ZNF761: variants seen among roughly 807,000 people sequenced by gnomAD.
ZNF761 encodes zinc finger protein 761.
In ZNF761, 43 loss-of-function variants were observed where a neutral mutation model predicts 59.9. That is an observed-to-expected ratio of 0.72 (90% CI 0.56 to 0.92). The LOEUF (loss-of-function observed/expected upper bound fraction) is 0.92. Among genes scored for constraint, ZNF761 ranks in the 40% least tolerant of loss-of-function variants. The probability of loss-of-function intolerance (pLI) is 0.00; values close to 1 mark genes in which losing one functional copy is unlikely to be tolerated. For synonymous variants in ZNF761, 294 were observed against 304.8 expected (o/e 0.96, Z 0.37); for missense variants, 850 against 906.1 (o/e 0.94, Z 0.79).
intron 1 of ZNF761, among the ~76,000 whole-genome samples, chr19:53,436,399 C>A: frequency 6.6e-6 from 1 of 152,184 alleles, no homozygotes; most frequent in East Asian, 1.9e-4. Flanking sequence ...GTTAATTCCT[C>A]TAGTTCTTGG....
At position 53,449,548 on chromosome 19, in the gene ZNF761, T is replaced by C; in HGVS notation, c.52T>C (p.Ser18Pro). ...LTFRDVAIEF[S>P]QEEWKCLDPA... ...ATTCAGGGATGTGGCCATAGAATTC[T>C]CTCAGGAGGAGTGGAAATGCCTGGA... The change falls in exon 4 of 5, where the codon TCT becomes CCT. Residue 18 changes from serine to proline, a missense_variant. Ser to Pro is a moderately conservative substitution (Grantham distance 74, BLOSUM62 -1). Transcript: ENST00000684525. 3.7e-6 allele frequency: 6 copies of C among 1,613,672 alleles called. No homozygotes were observed. Among genetic ancestry groups the C allele is most frequent in the Non-Finnish European group, 5.1e-6 (6 of 1,179,904 alleles).
chr19:53,436,898 A>G (rs111379805), intron 1 of ZNF761, among the ~76,000 whole-genome samples: 1,568 of 152,334 alleles, frequency 0.01, 26 homozygotes, highest in African/African-American at 0.035. Flanking sequence ...AGTTTTCACA[A>G]GGCACGGCTC....
Position 53,456,916 on chromosome 19 carries a change from G to T in ZNF761, c.*168G>T. 1 of 846,562 alleles carries T rather than the reference G, an allele frequency of 1.2e-6. No homozygotes were observed. The highest frequency in any genetic ancestry group is 1.7e-5 in the South Asian group (1 of 59,954). The allele number at this position is 846,562 out of a possible 1,614,324, so 52.4% of individuals were successfully genotyped here. A position where few individuals can be genotyped will look rare whatever the true frequency, so the allele number is the denominator to read the frequency against. ...TGGAGAGAAAGCTTATAAATGTGAAGAATGTCACAAAGTTTACAGTCGCAC... is the reference window on the plus strand; with the variant it reads ...TGGAGAGAAAGCTTATAAATGTGAATAATGTCACAAAGTTTACAGTCGCAC... On this transcript the variant is annotated 3_prime_UTR_variant, in exon 5 of 5. Transcript: ENST00000684525.
chr19:53,453,663 G>T (rs2086239976), intron 4 of ZNF761, among the ~76,000 whole-genome samples: 1 of 152,116 alleles, frequency 6.6e-6, no homozygotes, highest in Non-Finnish European at 1.5e-5. Flanking sequence ...ATCACTTGAG[G>T]TCAAAAGTAC....
chr19:53,456,327 A>G lies in ZNF761; in HGVS notation c.1820A>G (p.Lys607Arg). ...ATTCATACTGAAGAGAATCCTTACA[A>G]GTGTAATGAGTGTGGCAAGACCTTC... ...QKIHTEENPY[K>R]CNECGKTFSR... The change falls in exon 5 of 5, where the codon AAG (lysine) becomes AGG (arginine). Residue 607 changes from lysine to arginine, a missense_variant. By Grantham distance (26) the Lys-to-Arg change is conservative. Transcript: ENST00000684525. 30 of 1,611,228 alleles carry G rather than the reference A, an allele frequency of 1.9e-5. No homozygotes were observed. The highest frequency in any genetic ancestry group is 2.5e-5 in the Non-Finnish European group (29 of 1,177,896).
rs141068950 is a variant in ZNF761, at chr19:53,449,058, G to A, written c.16-454G>A. On this transcript the variant is annotated intron_variant, in intron 3 of 4. Coordinates refer to ENST00000684525, the MANE Select transcript of ZNF761 (RefSeq NM_001289951.2). ...GTCAATAAAAGTTTCTGGGCCGGGC[G>A]CGGTGGATCACGCATGTAATTCCAG... 9.5e-3 allele frequency among the ~76,000 whole-genome samples: 1,445 copies of A among 152,174 alleles called. 23 individuals are homozygous for A. Among genetic ancestry groups the A allele is most frequent in the African/African-American group, 0.033 (1,351 of 41,506 alleles).
rs761329848 is a variant in ZNF761, at chr19:53,454,784, G to C, written c.277G>C (p.Asp93His). ...GDFCYQDVDKDIHDYEFQWQE... is the reference protein window; with the variant it reads ...GDFCYQDVDKHIHDYEFQWQE... ...TTTTTGCTACCAGGATGTTGATAAA[G>C]ATATTCATGACTATGAATTTCAATG... The change falls in exon 5 of 5, where the codon GAT becomes CAT. Residue 93 changes from aspartate (D) to histidine (H), a missense_variant. By Grantham distance (81) the Asp-to-His change is moderately conservative. Coordinates refer to ENST00000684525, the MANE Select transcript of ZNF761 (RefSeq NM_001289951.2). 2 of 1,614,084 alleles carry C rather than the reference G, an allele frequency of 1.2e-6. No individual in the cohort carries two copies. Among genetic ancestry groups the C allele is most frequent in the East Asian group, 4.5e-5 (2 of 44,868 alleles).
In ZNF761 at chr19:53,436,892, T is replaced by G. The variant is rs80051718; in HGVS notation, c.-185+4864T>G. 2.0e-3 allele frequency among the ~76,000 whole-genome samples: 304 copies of G among 152,306 alleles called. 1 individual carries two copies. The highest frequency in any genetic ancestry group is 3.4e-3 in the Middle Eastern group (1 of 294). On this transcript the variant is annotated intron_variant, in intron 1 of 4. Transcript: ENST00000684525. ...GTTCGCTAAAGTTTATAAGCAAGTTTTCACAAGGCACGGCTCCTACTTCTT... is the reference window on the plus strand; with the variant it reads ...GTTCGCTAAAGTTTATAAGCAAGTTGTCACAAGGCACGGCTCCTACTTCTT...
chr19:53,444,404 A>G (rs2086132538), intron 1 of ZNF761: 1 of 152,170 alleles, frequency 6.6e-6, no homozygotes, highest in African/African-American at 2.4e-5. Flanking sequence ...CTGCACTGAG[A>G]TGTTTGTGTA....
intron 1 of ZNF761, among the ~76,000 whole-genome samples, chr19:53,439,985 A>C (rs1342884594): frequency 6.6e-6 from 1 of 152,110 alleles, no homozygotes; most frequent in East Asian, 1.9e-4. Context: ...AACTGAAATA[A>C]TGATTTTTGT....
intron 4 of ZNF761, among the ~76,000 whole-genome samples, chr19:53,452,947 A>G (rs924068743): frequency 1.3e-5 from 2 of 152,170 alleles, no homozygotes; most frequent in African/African-American, 4.8e-5. Flanking sequence ...TTATTGTGCA[A>G]TTTGATTTAT....
In ZNF761 at chr19:53,453,771, G is replaced by A. The variant is rs373064236; in HGVS notation, c.143-879G>A. Reference sequence around the variant, plus strand: ...TGTGCCTGTAATCCCAGGTACTCAGGAGGCTGAGGCAGGAGAATGGCTTCA... The same window carrying A: ...TGTGCCTGTAATCCCAGGTACTCAGAAGGCTGAGGCAGGAGAATGGCTTCA... On this transcript the variant is annotated intron_variant, in intron 4 of 4. Transcript: ENST00000684525. Among the ~76,000 whole-genome samples, 10 of 152,244 alleles carry A rather than the reference G, an allele frequency of 6.6e-5. No homozygotes were observed. The East Asian group carries it at 1.9e-3, about 29-fold the overall frequency.
At chr19:53,449,739 A>G in intron 4 of ZNF761, 101 bp downstream of exon 4, 2 of 1,576,674 alleles carry the variant, frequency 1.3e-6, no homozygotes, top group Non-Finnish European at 1.7e-6. Context: ...CCCAGGGTAG[A>G]GTGCAATGGT....
In ZNF761 at chr19:53,455,578, T is replaced by C. The variant is rs759227414; in HGVS notation, c.1071T>C (p.Asn357=). The C allele has an allele frequency of 3.1e-6, 5 of 1,613,820 alleles. No homozygotes were observed. The Admixed American group carries it at 5.0e-5, about 16-fold the overall frequency. Residue 357 remains asparagine, a synonymous_variant, in exon 5 of 5, where the codon AAT becomes AAC. Coordinates refer to ENST00000684525, the MANE Select transcript of ZNF761 (RefSeq NM_001289951.2). ...LHTGEKPYKC[N]ECGKTFSHKS... ...CTGGAGAGAAACCTTACAAGTGTAA[T>C]GAGTGTGGCAAGACCTTTAGTCACA... is the stretch of plus-strand genomic sequence containing the variant.
intron 1 of ZNF761, among the ~76,000 whole-genome samples, chr19:53,445,782 G>C (rs899549120): frequency 2.6e-5 from 4 of 152,266 alleles, no homozygotes; most frequent in African/African-American, 9.6e-5. Flanking sequence ...CTCTGTATGA[G>C]GACATCACAG....
At chr19:53,441,503 G>GA (rs2086099943) in intron 1 of ZNF761, among the ~76,000 whole-genome samples, 2 of 150,628 alleles carry the variant, frequency 1.3e-5, no homozygotes, top group African/African-American at 4.9e-5. Flanking sequence ...CTGGAGTGTA[G>GA]TGGCATGATG....
intron 1 of ZNF761, among the ~76,000 whole-genome samples, chr19:53,445,513 C>T (rs904776328): frequency 2.6e-5 from 4 of 151,836 alleles, no homozygotes; most frequent in Non-Finnish European, 5.9e-5. Context: ...CCCAGTGAGC[C>T]TCCCTGCAAC....
intron 1 of ZNF761, among the ~76,000 whole-genome samples, chr19:53,436,236 C>G (rs556341700): frequency 2.6e-5 from 4 of 152,286 alleles, no homozygotes; most frequent in East Asian, 3.9e-4. Context: ...CTATATGAGT[C>G]CTAGAGAAGT....
intron 1 of ZNF761, chr19:53,444,351 T>C (rs1443835420): frequency 6.6e-6 from 1 of 152,224 alleles, no homozygotes; most frequent in African/African-American, 2.4e-5. Flanking sequence ...AAAACCGCCT[T>C]ATGGCTGGAG....
Sources: gnomAD v4.1 joint callset for allele counts (sites outside exome capture counted in the v4.1 genomes callset) on GRCh38, gnomAD v4.1.1 for gene constraint, MANE v1.5 for transcripts, NCBI Gene and HGNC (gene_info 2026-07-23, HGNC 2026-07-21) for gene names.